The following NPR3 variants were observed in gnomAD, a reference collection of about 807,000 sequenced individuals.
NPR3 encodes atrial natriuretic peptide receptor 3.
In NPR3, 34 loss-of-function variants were observed where a neutral mutation model predicts 54.5. That is an observed-to-expected ratio of 0.62 (90% CI 0.47 to 0.83). The LOEUF (loss-of-function observed/expected upper bound fraction) is 0.83, where lower values mean the gene tolerates loss of function less well. Among genes scored for constraint, NPR3 ranks in the 40% least tolerant of loss-of-function variants. NPR3 has a pLI of 0.00. For missense variants in NPR3, 674 were observed against 720.8 expected (o/e 0.94, Z 0.74); for synonymous variants, 289 against 297.1 (o/e 0.97, Z 0.28).
chr5:32,698,507 A>T (rs1740588033), intron 1 of NPR3, among the ~76,000 whole-genome samples: 1 of 152,150 alleles, frequency 6.6e-6, no homozygotes, highest in Admixed American at 6.6e-5. Context: ...TCTATAATGC[A>T]GGTTAAGTTC....
chr5:32,770,624 G>A (rs918963233), intron 3 of NPR3, among the ~76,000 whole-genome samples: 22 of 152,116 alleles, frequency 1.4e-4, no homozygotes, highest in African/African-American at 5.3e-4. Flanking sequence ...GGCTTTCAGC[G>A]AGGCCCATGT....
intron 2 of NPR3, among the ~76,000 whole-genome samples, chr5:32,733,970 T>A: frequency 6.6e-6 from 1 of 152,232 alleles, no homozygotes. Context: ...ACTTGGGGCA[T>A]GTTAATCTCC....
intron 3 of NPR3, among the ~76,000 whole-genome samples, chr5:32,763,543 A>C (rs1341951399): frequency 2.1e-5 from 3 of 144,602 alleles, no homozygotes; most frequent in Non-Finnish European, 3.0e-5. Flanking sequence ...TGAATTTCTG[A>C]TCTCAAGTGA....
intron 1 of NPR3, among the ~76,000 whole-genome samples, chr5:32,696,709 T>A (rs527260346): frequency 6.6e-6 from 1 of 152,268 alleles, no homozygotes; most frequent in East Asian, 1.9e-4. Context: ...ATTGAAGAGA[T>A]CTTTCACTTC....
chr5:32,696,826 T>C (rs1220507084), intron 1 of NPR3, among the ~76,000 whole-genome samples: 1 of 152,216 alleles, frequency 6.6e-6, no homozygotes, highest in Non-Finnish European at 1.5e-5. Flanking sequence ...GAAATACTAC[T>C]GATTTTTGTA....
intron 3 of NPR3, among the ~76,000 whole-genome samples, chr5:32,764,510 G>A (rs927477639): frequency 1.1e-4 from 16 of 152,068 alleles, no homozygotes; most frequent in East Asian, 1.9e-4. Flanking sequence ...GAATTTGGCC[G>A]GGCACGGTGG....
intron 1 of NPR3, among the ~76,000 whole-genome samples, chr5:32,697,770 A>T (rs1421245663): frequency 6.6e-6 from 1 of 152,060 alleles, no homozygotes; most frequent in Non-Finnish European, 1.5e-5. Context: ...TTTCCAATTT[A>T]TTGGCATATG....
rs1742624708 is a variant in NPR3 at position 32,786,357 on chromosome 5, C to A, written c.*12C>A. 1.6e-6 allele frequency: 2 copies of A among 1,215,432 alleles called. No homozygotes were observed. Among genetic ancestry groups the A allele is most frequent in the Non-Finnish European group, 2.4e-6 (2 of 835,252 alleles). 75.3% of individuals were successfully genotyped at this position (1,215,432 alleles called of 1,614,324 possible). A position where few individuals can be genotyped will look rare whatever the true frequency, so the allele number is the denominator to read the frequency against. On this transcript the variant is annotated 3_prime_UTR_variant, in exon 8 of 8. Transcript: ENST00000265074. ...TTTCAGTAGCTTAAAGGAAGCCCCC[C>A]ACTTTTTTTTTTTCTGCCTGAGATT...
chr5:32,745,767 G>A (rs1234919796), intron 3 of NPR3, among the ~76,000 whole-genome samples: 1 of 152,130 alleles, frequency 6.6e-6, no homozygotes, highest in Non-Finnish European at 1.5e-5. Context: ...GGCAAAGTCT[G>A]GCTAGGACTT....
upstream of NPR3, chr5:32,709,777 C>G (rs1316392595): frequency 6.6e-6 from 1 of 152,066 alleles, no homozygotes; most frequent in African/African-American, 2.4e-5. Context: ...GTTGCCATAT[C>G]CCCAGAAACC....
In NPR3 at chr5:32,744,212, C is replaced by T. The variant is rs920562658; in HGVS notation, c.1059+5182C>T. Among the ~76,000 whole-genome samples, 8 of 152,070 alleles carry T rather than the reference C, an allele frequency of 5.3e-5. 1 individual carries two copies. Among genetic ancestry groups the T allele is most frequent in the Admixed American group, 4.6e-4 (7 of 15,272 alleles). On this transcript the variant is annotated intron_variant, in intron 3 of 7. Transcript: ENST00000265074. ...TTCACTATGTTGGCCAAGATGGTCT[C>T]GATCTCTTGACCTTGTCATCTGCCT...
intron 3 of NPR3, among the ~76,000 whole-genome samples, chr5:32,757,442 A>G (rs922715090): frequency 3.3e-5 from 5 of 152,168 alleles, no homozygotes; most frequent in African/African-American, 1.2e-4. Context: ...ATTTTTGTAC[A>G]TTGATTTTGT....
intron 1 of NPR3, among the ~76,000 whole-genome samples, chr5:32,723,842 C>T (rs907671189): frequency 1.3e-5 from 2 of 151,298 alleles, no homozygotes; most frequent in Non-Finnish European, 3.0e-5. Context: ...GTCCCTCTCT[C>T]CTCTTCTCCC....
chr5:32,755,970 A>G (rs1481959720), intron 3 of NPR3, among the ~76,000 whole-genome samples: 1 of 152,180 alleles, frequency 6.6e-6, no homozygotes, highest in East Asian at 1.9e-4. Context: ...TCCATGGTGT[A>G]TATGTGCCAC....
chr5:32,718,390 G>A (rs1030462973), intron 1 of NPR3, among the ~76,000 whole-genome samples: 37 of 152,182 alleles, frequency 2.4e-4, no homozygotes, highest in East Asian at 9.6e-4. Flanking sequence ...GTCATTTGTA[G>A]CTTGATGGGG....
intron 4 of NPR3, among the ~76,000 whole-genome samples, chr5:32,778,318 T>G (rs1414544521): frequency 6.6e-6 from 1 of 152,172 alleles, no homozygotes; most frequent in South Asian, 2.1e-4. Flanking sequence ...TTTTATTTGC[T>G]AAACAATGGT....
intron 7 of NPR3, among the ~76,000 whole-genome samples, 171 bp from the exon 8 acceptor site, chr5:32,786,062 AG>A (rs1192430099): frequency 2.0e-5 from 3 of 152,200 alleles, no homozygotes; most frequent in African/African-American, 7.2e-5. Flanking sequence ...CTCTTGAATA[AG>A]GGCACCATGC....
chr5:32,742,136 T>C (rs551073368), intron 3 of NPR3, among the ~76,000 whole-genome samples: 2 of 152,178 alleles, frequency 1.3e-5, no homozygotes, highest in South Asian at 4.1e-4. Flanking sequence ...TCTGCTTACT[T>C]AGAACTCCAG....
chr5:32,772,305 G>A (rs1741808693), intron 3 of NPR3, among the ~76,000 whole-genome samples: 1 of 152,206 alleles, frequency 6.6e-6, no homozygotes, highest in African/African-American at 2.4e-5. Context: ...GCTCTCTGAA[G>A]TGAGATGGTA....
Sources: gnomAD v4.1 joint callset for allele counts (sites outside exome capture counted in the v4.1 genomes callset) on GRCh38, gnomAD v4.1.1 for gene constraint, MANE v1.5 for transcripts, NCBI Gene and HGNC (gene_info 2026-07-23, HGNC 2026-07-21) for gene names.